The following EVL variants were observed in gnomAD, a reference collection of about 807,000 sequenced individuals.
EVL encodes Enah/Vasp-like, also known as ena/VASP-like protein.
EVL carries 21 observed loss-of-function variants against 59.6 expected under a neutral mutation model. The observed-to-expected ratio is 0.35, with a 90% CI of 0.25 to 0.51. The LOEUF is 0.51. Among genes scored for constraint, EVL ranks in the 20% least tolerant of loss-of-function variants. EVL has a pLI of 0.97. For synonymous variants in EVL, 198 were observed against 203.5 expected, an observed-to-expected ratio of 0.97 and a Z score of 0.23; for missense variants, 462 against 546.6, an observed-to-expected ratio of 0.85 and a Z score of 1.54.
At chr14:100,033,417 C>T (rs993997479) in intron 1 of EVL, among the ~76,000 whole-genome samples, 2 of 152,138 alleles carry the variant, frequency 1.3e-5, no homozygotes, top group African/African-American at 2.4e-5. Context: ...CTAAGAGGCT[C>T]CTAAGATTCA....
At chr14:100,103,187 AGTTTT>A (rs375097556) in intron 3 of EVL, among the ~76,000 whole-genome samples, 2 of 142,540 alleles carry the variant, frequency 1.4e-5, no homozygotes, top group African/African-American at 2.6e-5. Flanking sequence ...TTTCCCAGAG[AGTTTT>A]TTTTTTTTTT....
intron 3 of EVL, among the ~76,000 whole-genome samples, chr14:100,100,003 CAAAAAA>C (rs34709493): frequency 9.4e-5 from 2 of 21,212 alleles, no homozygotes; most frequent in African/African-American, 2.9e-4. Context: ...ACCTTGGGGG[CAAAAAA>C]AAAAAAAAAA....
intron 1 of EVL, among the ~76,000 whole-genome samples, chr14:99,983,471 A>G (rs1404346482): frequency 6.6e-6 from 1 of 152,118 alleles, no homozygotes; most frequent in African/African-American, 2.4e-5. Context: ...TGTGTTTCCT[A>G]TGGAACTTAA....
chr14:99,982,113 A>G (rs2060811030), intron 1 of EVL, among the ~76,000 whole-genome samples: 1 of 152,184 alleles, frequency 6.6e-6, no homozygotes, highest in Non-Finnish European at 1.5e-5. Flanking sequence ...ACAGATAAGC[A>G]TTGATCCTGC....
chr14:100,096,729 A>T (rs141457610), intron 2 of EVL, among the ~76,000 whole-genome samples: 6 of 152,312 alleles, frequency 3.9e-5, no homozygotes, highest in Non-Finnish European at 8.8e-5. Flanking sequence ...AAAGAGCAGA[A>T]GTTTAGAGGT....
rs148238787 is a variant in EVL, at chr14:99,995,073, G to A, written c.5+23016G>A. On this transcript the variant is annotated intron_variant, in intron 1 of 13. Transcript: ENST00000402714. Reference sequence around the variant, plus strand: ...AGTCACCTTTCTCTTGCTGCTTTCAGGATTCTCTTTTTGTCTGTGACTTTT... The same window carrying A: ...AGTCACCTTTCTCTTGCTGCTTTCAAGATTCTCTTTTTGTCTGTGACTTTT... Among the ~76,000 whole-genome samples the A allele has an allele frequency of 1.9e-4, 29 of 152,250 alleles. 1 individual carries two copies. Among genetic ancestry groups the A allele is most frequent in the African/African-American group, 6.0e-4 (25 of 41,554 alleles).
chr14:100,132,464 A>G (rs1049212347), intron 7 of EVL, among the ~76,000 whole-genome samples: 1 of 152,136 alleles, frequency 6.6e-6, no homozygotes, highest in Non-Finnish European at 1.5e-5. Context: ...CTAAACAGAC[A>G]TAGAGGCATC....
At chr14:99,999,969 T>C (rs1411376235) in intron 1 of EVL, among the ~76,000 whole-genome samples, 1 of 152,246 alleles carries the variant, frequency 6.6e-6, no homozygotes, top group Non-Finnish European at 1.5e-5. Context: ...AAGTGCTTTT[T>C]GTTTGCTTGC....
intron 1 of EVL, among the ~76,000 whole-genome samples, chr14:99,990,952 A>G (rs992844912): frequency 1.3e-5 from 2 of 152,170 alleles, no homozygotes; most frequent in African/African-American, 4.8e-5. Context: ...CTGTATATAT[A>G]TAATTGACCC....
At chr14:100,107,283 T>C (rs1886631355) in intron 3 of EVL, 2 of 398,578 alleles carry the variant, frequency 5.0e-6, no homozygotes. Context: ...GACCCCAAGC[T>C]GATGGCACTC....
intron 5 of EVL, 71 bp downstream of exon 5, chr14:100,126,842 GC>G: frequency 2.0e-6 from 3 of 1,495,122 alleles, no homozygotes; most frequent in Non-Finnish European, 2.8e-6. Flanking sequence ...CGTAGATGAG[GC>G]CCAGGGACAC....
chr14:100,137,633 G>C lies in EVL; in HGVS notation c.1020G>C (p.Ser340=), dbSNP rs754372630. 18 of 1,614,014 alleles carry C rather than the reference G, an allele frequency of 1.1e-5. No individual in the cohort carries two copies. Among genetic ancestry groups the C allele is most frequent in the Admixed American group, 3.3e-5 (2 of 60,006 alleles). ...RSNSVEKPVS[S]ILSRTPSVAK... is the part of the protein sequence containing the mutation. Reference sequence around the variant, plus strand: ...ACTCGGTGGAGAAGCCTGTGTCCTCGATTCTGTCCAGGTGAGCTGCCCCAG... The same window carrying C: ...ACTCGGTGGAGAAGCCTGTGTCCTCCATTCTGTCCAGGTGAGCTGCCCCAG... Residue 340 remains serine, a synonymous_variant, in exon 10 of 14, where the codon TCG becomes TCC. Transcript: ENST00000392920.
intron 1 of EVL, among the ~76,000 whole-genome samples, chr14:100,048,358 G>A: frequency 6.6e-6 from 1 of 152,108 alleles, no homozygotes; most frequent in Non-Finnish European, 1.5e-5. Context: ...CACCAAAGAG[G>A]ATATACAGAT....
At chr14:100,013,914 T>G (rs1305171695) in intron 1 of EVL, among the ~76,000 whole-genome samples, 1 of 152,220 alleles carries the variant, frequency 6.6e-6, no homozygotes, top group Admixed American at 6.5e-5. Flanking sequence ...AGTAGATATT[T>G]CTATTTATAG....
At chr14:100,015,719 A>G (rs2061044897) in intron 1 of EVL, among the ~76,000 whole-genome samples, 1 of 152,178 alleles carries the variant, frequency 6.6e-6, no homozygotes, top group African/African-American at 2.4e-5. Flanking sequence ...AGCTGGAACT[A>G]TTCTACTTTG....
intron 3 of EVL, among the ~76,000 whole-genome samples, chr14:100,111,077 C>G (rs1026777444): frequency 1.3e-5 from 2 of 152,004 alleles, no homozygotes; most frequent in African/African-American, 4.8e-5. Flanking sequence ...GGCACCCGCT[C>G]CACCCTGTCA....
At chr14:100,021,890 T>A (rs531260912) in intron 1 of EVL, among the ~76,000 whole-genome samples, 1 of 152,154 alleles carries the variant, frequency 6.6e-6, no homozygotes, top group South Asian at 2.1e-4. Flanking sequence ...GAACCACCGG[T>A]CACTTGGGGA....
At chr14:100,004,580 T>C (rs939638159) in intron 1 of EVL, among the ~76,000 whole-genome samples, 1 of 152,170 alleles carries the variant, frequency 6.6e-6, no homozygotes, top group East Asian at 1.9e-4. Flanking sequence ...AATCCTCTTA[T>C]TGTGACTTAC....
chr14:99,980,317 C>T (rs957451520), intron 1 of EVL, among the ~76,000 whole-genome samples: 5 of 152,178 alleles, frequency 3.3e-5, no homozygotes, highest in Admixed American at 1.3e-4. Context: ...CTGGGTTGGA[C>T]GGCCGTGCAG....
Sources: gnomAD v4.1 joint callset for allele counts (sites outside exome capture counted in the v4.1 genomes callset) on GRCh38, gnomAD v4.1.1 for gene constraint, MANE v1.5 for transcripts, NCBI Gene and HGNC (gene_info 2026-07-23, HGNC 2026-07-21) for gene names.